Variants in RBPMS observed in about 807,000 individuals in gnomAD.
RBPMS encodes the protein RNA binding protein, mRNA processing factor.
Under a neutral mutation model 26.8 loss-of-function variants are expected in RBPMS, and 7 were observed. The ratio of observed to expected loss-of-function variants is 0.26; its 90% CI spans 0.15 to 0.49. RBPMS has a LOEUF of 0.49. RBPMS is among the 20% of genes least tolerant of loss of function. The pLI, the probability that RBPMS is intolerant of heterozygous loss-of-function variation, is 0.98. For synonymous variants in RBPMS, 96 were observed against 93.3 expected (o/e 1.03, Z -0.17); for missense variants, 186 against 250.0 (o/e 0.74, Z 1.73).
At chr8:30,510,581 A>G (rs1821486139) in intron 5 of RBPMS, among the ~76,000 whole-genome samples, 1 of 149,048 alleles carries the variant, frequency 6.7e-6, no homozygotes, top group East Asian at 2.0e-4. Context: ...GCCTACCTTT[A>G]TGGTCCATTT....
At chr8:30,556,267 C>G (rs561525593) in intron 6 of RBPMS, 1 of 985,456 alleles carries the variant, frequency 1.0e-6, no homozygotes, top group Non-Finnish European at 1.2e-6. Flanking sequence ...CTCCCCTGGA[C>G]CCCACAGCTC....
At chr8:30,439,538 G>A (rs770583295) in intron 1 of RBPMS, among the ~76,000 whole-genome samples, 1 of 152,206 alleles carries the variant, frequency 6.6e-6, no homozygotes, top group Non-Finnish European at 1.5e-5. Context: ...TTGACATTGT[G>A]ATGATACATT....
rs980679080 is a variant in RBPMS, at chr8:30,571,411, C to G, written c.*886C>G. 4 of 152,338 alleles carry G rather than the reference C, an allele frequency of 2.6e-5. No individual in the cohort carries two copies. Among genetic ancestry groups the G allele is most frequent in the African/African-American group, 9.6e-5 (4 of 41,474 alleles). The allele number at this position is 152,338 out of a possible 1,614,324, so 9.4% of individuals were successfully genotyped here. On this transcript the variant is annotated 3_prime_UTR_variant, in exon 9 of 9. Coordinates refer to ENST00000397323, the MANE Select transcript of RBPMS (RefSeq NM_001008710.3). ...TAACCTACCTTCCACAAGCCAGCCC[C>G]GCATCCCTGCTCCCGCAGTGTAAGT...
At chr8:30,555,930 G>C (rs1404669879) in intron 6 of RBPMS, 3 of 985,292 alleles carry the variant, frequency 3.0e-6, no homozygotes, top group African/African-American at 1.7e-5. Context: ...CCGGCTGCCC[G>C]AACTCTGCTG....
intron 4 of RBPMS, among the ~76,000 whole-genome samples, chr8:30,500,572 CTG>C (rs1456280332): frequency 1.3e-5 from 2 of 152,248 alleles, no homozygotes; most frequent in African/African-American, 4.8e-5. Flanking sequence ...ATAACCAAGA[CTG>C]TATCAGGTAT....
At chr8:30,510,632 G>A (rs1821491357) in intron 5 of RBPMS, among the ~76,000 whole-genome samples, 1 of 152,080 alleles carries the variant, frequency 6.6e-6, no homozygotes, top group South Asian at 2.1e-4. Context: ...TCCCAGGCAG[G>A]AGTTCAGTGG....
chr8:30,512,685 T>A (rs997676116), intron 5 of RBPMS, among the ~76,000 whole-genome samples: 1 of 152,262 alleles, frequency 6.6e-6, no homozygotes, highest in African/African-American at 2.4e-5. Context: ...CTGGGCCTTC[T>A]CGCTAGGCCT....
chr8:30,557,690 CCTT>C (rs1827068151), intron 6 of RBPMS, among the ~76,000 whole-genome samples: 1 of 152,238 alleles, frequency 6.6e-6, no homozygotes. Flanking sequence ...ACAGGCCTCA[CCTT>C]CTCCACTCCC....
At chr8:30,386,361 G>C (rs936275436) in intron 1 of RBPMS, among the ~76,000 whole-genome samples, 3 of 152,182 alleles carry the variant, frequency 2.0e-5, no homozygotes, top group Non-Finnish European at 4.4e-5. Context: ...AGATGGAGAA[G>C]GTAGAGGAGC....
At chr8:30,549,750 C>CTTTTCTTTCCTTTT (rs1554543794) in intron 6 of RBPMS, among the ~76,000 whole-genome samples, 103 of 76,202 alleles carry the variant, frequency 1.4e-3, no homozygotes, top group Non-Finnish European at 2.4e-3. Flanking sequence ...TTCTTTCTTT[C>CTTTTCTTTCCTTTT]CTTTTCTTTT....
rs148255363 is a variant in RBPMS at position 30,554,477 on chromosome 8, T to C, written c.529-4410T>C. Among the ~76,000 whole-genome samples the C allele has an allele frequency of 5.4e-4, 83 of 152,330 alleles. 2 individuals are homozygous for C. Among genetic ancestry groups the C allele is most frequent in the African/African-American group, 2.0e-3 (82 of 41,578 alleles). On this transcript the variant is annotated intron_variant, in intron 6 of 8. Transcript: ENST00000397323. Reference sequence around the variant, plus strand: ...GGAGCCATTACTGTGCCCACACATATCAAGAAACTGCTGAAGGGACCAAAT... The same window carrying C: ...GGAGCCATTACTGTGCCCACACATACCAAGAAACTGCTGAAGGGACCAAAT...
intron 8 of RBPMS, among the ~76,000 whole-genome samples, chr8:30,567,777 G>A (rs1292299612): frequency 6.6e-6 from 1 of 152,238 alleles, no homozygotes; most frequent in East Asian, 1.9e-4. Flanking sequence ...GGCAGCTGAG[G>A]ATCAGGTTGC....
chr8:30,389,497 G>A (rs571927232), intron 1 of RBPMS, among the ~76,000 whole-genome samples: 1 of 152,334 alleles, frequency 6.6e-6, no homozygotes, highest in East Asian at 1.9e-4. Context: ...GTACTTTTGT[G>A]CAGAGCAGTG....
chr8:30,512,042 A>G (rs1349160562), intron 5 of RBPMS, among the ~76,000 whole-genome samples: 1 of 152,100 alleles, frequency 6.6e-6, no homozygotes, highest in Non-Finnish European at 1.5e-5. Context: ...TTTTCAGTCC[A>G]CGTTAAGAGA....
intron 5 of RBPMS, among the ~76,000 whole-genome samples, chr8:30,521,002 A>G (rs1822967546): frequency 6.6e-6 from 1 of 152,222 alleles, no homozygotes; most frequent in South Asian, 2.1e-4. Flanking sequence ...TTCATCAACA[A>G]GAAAAGAAAT....
chr8:30,434,258 T>C (rs1466390107), intron 1 of RBPMS, among the ~76,000 whole-genome samples: 1 of 152,142 alleles, frequency 6.6e-6, no homozygotes, highest in Non-Finnish European at 1.5e-5. Flanking sequence ...GTGGTTGATA[T>C]TAGGTCCAGT....
intron 1 of RBPMS, among the ~76,000 whole-genome samples, chr8:30,453,405 CACTG>C (rs781512543): frequency 6.6e-6 from 1 of 152,260 alleles, no homozygotes; most frequent in African/African-American, 2.4e-5. Context: ...ATTAATTAAT[CACTG>C]ACTGTTGGTT....
chr8:30,543,153 C>G (rs1825558202), intron 5 of RBPMS, among the ~76,000 whole-genome samples: 1 of 152,154 alleles, frequency 6.6e-6, no homozygotes, highest in Non-Finnish European at 1.5e-5. Context: ...AAAATGGGTA[C>G]AAACTGCCCT....
intron 1 of RBPMS, among the ~76,000 whole-genome samples, chr8:30,437,634 TAAAA>T (rs1047721801): frequency 1.3e-5 from 2 of 151,928 alleles, no homozygotes; most frequent in African/African-American, 4.8e-5. Context: ...CTACTAAAAA[TAAAA>T]AAATTAGCCG....
Sources: gnomAD v4.1 joint callset for allele counts (sites outside exome capture counted in the v4.1 genomes callset) on GRCh38, gnomAD v4.1.1 for gene constraint, MANE v1.5 for transcripts, NCBI Gene and HGNC (gene_info 2026-07-23, HGNC 2026-07-21) for gene names.